USP7: variants seen among roughly 807,000 people sequenced by gnomAD.
The protein encoded by USP7 is ubiquitin C-terminal hydrolase 7.
USP7 carries 9 observed loss-of-function variants against 162.9 expected under a neutral mutation model. That is an observed-to-expected ratio of 0.06 (90% CI 0.03 to 0.10). The LOEUF is 0.10. Ranked by LOEUF, USP7 falls within the 10% of genes least tolerant of loss-of-function variation. USP7 has a pLI of 1.00. For missense variants in USP7, 715 were observed against 1,373.7 expected (o/e 0.52, Z 7.58); for synonymous variants, 562 against 475.9 (o/e 1.18, Z -2.35).
chr16:8,945,659 AGT>A (rs1899244353), intron 1 of USP7, among the ~76,000 whole-genome samples: 1 of 152,228 alleles, frequency 6.6e-6, no homozygotes, highest in Non-Finnish European at 1.5e-5. Flanking sequence ...ATTTAAACAC[AGT>A]CCAATTAAAA....
chr16:8,932,003 C>G (rs537659346), intron 1 of USP7, among the ~76,000 whole-genome samples: 105 of 152,278 alleles, frequency 6.9e-4, no homozygotes, highest in African/African-American at 2.4e-3. Flanking sequence ...CAGAGCCTTT[C>G]TGCCATCCGA....
rs761792825 is a variant in USP7 at position 8,901,072 on chromosome 16, AT to A, written c.2141-16del. On this transcript the variant is annotated splice_polypyrimidine_tract_variant and intron_variant, in intron 19 of 30. Coordinates refer to ENST00000344836, the MANE Select transcript of USP7 (RefSeq NM_003470.3). ...GAGCAAGTCACCTAGGAGAAAGAAG[AT>A]ATTTTAAATGTGTAGCTGTAATGTA... is the stretch of plus-strand genomic sequence containing the variant. 5 of 1,614,130 alleles carry A rather than the reference AT, an allele frequency of 3.1e-6. No individual in the cohort carries two copies. In the South Asian group the frequency reaches 5.5e-5, roughly 18 times the overall value.
At chr16:8,899,432 C>T (rs950049731) in intron 22 of USP7, 172 bp downstream of exon 22, 5 of 918,334 alleles carry the variant, frequency 5.4e-6, no homozygotes, top group East Asian at 5.2e-5. Flanking sequence ...TTTCTGATGG[C>T]GATTATTCTA....
intron 2 of USP7, among the ~76,000 whole-genome samples, chr16:8,926,589 G>C (rs554467279): frequency 6.6e-6 from 1 of 152,332 alleles, no homozygotes; most frequent in East Asian, 1.9e-4. Context: ...AATTACATGA[G>C]ACTCAGTGAT....
At chr16:8,947,204 A>G (rs1899324547) in intron 1 of USP7, among the ~76,000 whole-genome samples, 1 of 151,886 alleles carries the variant, frequency 6.6e-6, no homozygotes, top group Non-Finnish European at 1.5e-5. Flanking sequence ...CAGACAATAA[A>G]GAAATTTACA....
chr16:8,921,717 G>A (rs1426205505), intron 3 of USP7, among the ~76,000 whole-genome samples: 1 of 152,152 alleles, frequency 6.6e-6, no homozygotes, highest in Non-Finnish European at 1.5e-5. Context: ...GGGGAGCTCT[G>A]TGGCCTTAGA....
At chr16:8,913,642 G>C (rs570162473) in intron 10 of USP7, among the ~76,000 whole-genome samples, 3 of 152,028 alleles carry the variant, frequency 2.0e-5, no homozygotes, top group African/African-American at 7.3e-5. Flanking sequence ...CAGCCGACCC[G>C]CACTAAATGA....
chr16:8,953,185 C>G (rs778829620), intron 1 of USP7, among the ~76,000 whole-genome samples: 91 of 152,060 alleles, frequency 6.0e-4, no homozygotes, highest in Non-Finnish European at 7.2e-4. Context: ...GAGGCCTCAC[C>G]TGAGGCTCCC....
chr16:8,894,248 C>T (rs1004541732), intron 30 of USP7, 144 bp from the exon 31 acceptor site: 2 of 777,962 alleles, frequency 2.6e-6, no homozygotes, highest in South Asian at 3.2e-5. Flanking sequence ...ACACGCCCAC[C>T]TGGAGCTAAG....
intron 1 of USP7, among the ~76,000 whole-genome samples, chr16:8,952,870 G>C (rs1899621678): frequency 6.6e-6 from 1 of 150,610 alleles, no homozygotes; most frequent in Non-Finnish European, 1.5e-5. Flanking sequence ...TCTCATTCTT[G>C]TTGTCGCCCA....
At chr16:8,906,734 C>G in intron 12 of USP7, 152 bp from the exon 13 acceptor site, 1 of 712,212 alleles carries the variant, frequency 1.4e-6, no homozygotes, top group East Asian at 2.7e-5. Flanking sequence ...ATAACGTAAT[C>G]CGTACTTGAT....
chr16:8,939,288 G>T (rs903262846), intron 1 of USP7, among the ~76,000 whole-genome samples: 7 of 151,970 alleles, frequency 4.6e-5, no homozygotes, highest in African/African-American at 1.7e-4. Flanking sequence ...CATTATCCCC[G>T]GCAACCCTCA....
chr16:8,915,600 A>G, intron 8 of USP7, 75 bp from the exon 9 acceptor site: 2 of 1,265,598 alleles, frequency 1.6e-6, no homozygotes, highest in Non-Finnish European at 2.2e-6. Context: ...ATAATTGACT[A>G]GAAATATCAA....
At chr16:8,961,130 G>T (rs572834335) in intron 1 of USP7, among the ~76,000 whole-genome samples, 1 of 152,126 alleles carries the variant, frequency 6.6e-6, no homozygotes, top group African/African-American at 2.4e-5. Context: ...TATGAGAAAA[G>T]AAAGTAGCCT....
chr16:8,916,969 T>TAAAAA (rs34357840), intron 7 of USP7, 57 bp downstream of exon 7: 203 of 1,294,920 alleles, frequency 1.6e-4, no homozygotes, highest in East Asian at 2.8e-4. Flanking sequence ...TCACTTGTCC[T>TAAAAA]AAAAAAAAAA....
chr16:8,936,856 CTT>C (rs1477220267), intron 1 of USP7: 44 of 873,882 alleles, frequency 5.0e-5, no homozygotes, highest in Non-Finnish European at 5.6e-5. Flanking sequence ...AAGAATCTGA[CTT>C]TGGTTAACAA....
chr16:8,905,281 T>C lies in USP7; in HGVS notation c.1479A>G (p.Ala493=), dbSNP rs11551182. ...DVVSRCTKEE[A]IEHNYGGHDD... ...CGTGACCCCCATAATTGTGCTCAATTGCTTCCTCTTTAGTACACCTTGACA... is the reference window on the plus strand; with the variant it reads ...CGTGACCCCCATAATTGTGCTCAATCGCTTCCTCTTTAGTACACCTTGACA... Residue 493 remains alanine, a synonymous_variant, in exon 14 of 31, where the codon GCA becomes GCG. Transcript: ENST00000344836. 8.3e-3 allele frequency: 13,446 copies of C among 1,614,182 alleles called. 1,169 individuals carry two copies. In the Admixed American group the frequency reaches 0.18, roughly 21 times the overall value.
intron 21 of USP7, 78 bp from the exon 22 acceptor site, chr16:8,899,835 A>G: frequency 6.6e-7 from 1 of 1,513,928 alleles, no homozygotes; most frequent in Non-Finnish European, 9.2e-7. Flanking sequence ...ATCATCTTTT[A>G]CACAACAGTG....
intron 2 of USP7, among the ~76,000 whole-genome samples, chr16:8,927,190 C>G (rs1898055326): frequency 6.6e-6 from 1 of 151,892 alleles, no homozygotes; most frequent in African/African-American, 2.4e-5. Context: ...GGCGTGGTGG[C>G]AAGCGCCTGT....
Sources: gnomAD v4.1 joint callset for allele counts (sites outside exome capture counted in the v4.1 genomes callset) on GRCh38, gnomAD v4.1.1 for gene constraint, MANE v1.5 for transcripts, NCBI Gene and HGNC (gene_info 2026-07-23, HGNC 2026-07-21) for gene names.